The following SMYD3 variants were observed in gnomAD, a reference collection of about 807,000 sequenced individuals.
The protein encoded by SMYD3 is SET and MYND domain containing 3.
In SMYD3, 36 loss-of-function variants were observed where a neutral mutation model predicts 57.7. The observed-to-expected ratio is 0.62, with a 90% confidence interval of 0.48 to 0.82. SMYD3 has a LOEUF of 0.82. Ranked by LOEUF, SMYD3 falls within the 40% of genes least tolerant of loss-of-function variation. The pLI is 0.00. For missense variants in SMYD3, 515 were observed against 538.8 expected, an observed-to-expected ratio of 0.96 and a Z score of 0.44; for synonymous variants, 211 against 195.0, an observed-to-expected ratio of 1.08 and a Z score of -0.68.
intron 5 of SMYD3, among the ~76,000 whole-genome samples, chr1:245,948,238 G>A (rs562785501): frequency 4.3e-4 from 65 of 152,244 alleles, no homozygotes; most frequent in Non-Finnish European, 5.6e-4. Context: ...ACAGCAGGAC[G>A]GAATCGCAAC....
intron 5 of SMYD3, among the ~76,000 whole-genome samples, chr1:246,185,217 T>A (rs1158596325): frequency 5.3e-5 from 8 of 152,172 alleles, no homozygotes; most frequent in Non-Finnish European, 1.2e-4. Flanking sequence ...TACTGAAAAC[T>A]GTCAATAGCA....
At chr1:246,155,661 A>G (rs1216148415) in intron 5 of SMYD3, among the ~76,000 whole-genome samples, 2 of 151,502 alleles carry the variant, frequency 1.3e-5, no homozygotes, top group Middle Eastern at 3.2e-3. Context: ...TTCATGCCCT[A>G]AAGATGCTCA....
intron 5 of SMYD3, among the ~76,000 whole-genome samples, chr1:246,064,160 C>A (rs1039963105): frequency 9.2e-5 from 14 of 152,174 alleles, no homozygotes; most frequent in Non-Finnish European, 1.6e-4. Context: ...TTCTCTCTTG[C>A]TCGCATCACT....
chr1:246,034,159 G>T (rs950606630), intron 5 of SMYD3, among the ~76,000 whole-genome samples: 1 of 152,206 alleles, frequency 6.6e-6, no homozygotes, highest in Non-Finnish European at 1.5e-5. Context: ...TACATAGACA[G>T]AATGCATCCT....
At chr1:246,021,391 C>G (rs2059468469) in intron 5 of SMYD3, among the ~76,000 whole-genome samples, 1 of 152,124 alleles carries the variant, frequency 6.6e-6, no homozygotes, top group South Asian at 2.1e-4. Context: ...ATTCTGATTC[C>G]TGATCACCCA....
At chr1:246,410,709 C>T (rs950297713) in intron 1 of SMYD3, among the ~76,000 whole-genome samples, 7 of 152,140 alleles carry the variant, frequency 4.6e-5, no homozygotes, top group Non-Finnish European at 1.0e-4. Flanking sequence ...AGGATTCCCT[C>T]TTTTTCTATT....
intron 8 of SMYD3, 24 bp from the exon 9 acceptor site, chr1:245,863,910 C>T (rs551395740): frequency 1.2e-6 from 2 of 1,607,552 alleles, no homozygotes; most frequent in African/African-American, 2.7e-5. Flanking sequence ...AAAAGGAAGA[C>T]AAATAATCTA....
intron 5 of SMYD3, among the ~76,000 whole-genome samples, chr1:246,047,896 A>C (rs1357025024): frequency 6.6e-6 from 1 of 152,190 alleles, no homozygotes; most frequent in Non-Finnish European, 1.5e-5. Context: ...AAGCAAAGAT[A>C]CCCACGACAG....
chr1:246,205,750 G>A (rs1438115638), intron 5 of SMYD3, among the ~76,000 whole-genome samples: 1 of 144,200 alleles, frequency 6.9e-6, no homozygotes, highest in Non-Finnish European at 1.5e-5. Context: ...AACCCAGGAG[G>A]CGAGGTTGCA....
At chr1:246,431,138 A>C (rs78725051) in intron 1 of SMYD3, among the ~76,000 whole-genome samples, 3,526 of 152,260 alleles carry the variant, frequency 0.023, 140 homozygotes, top group African/African-American at 0.08. Flanking sequence ...TAAACAGGAA[A>C]AATCACCAAA....
chr1:246,267,144 C>T (rs1322656335), intron 5 of SMYD3, among the ~76,000 whole-genome samples: 1 of 151,976 alleles, frequency 6.6e-6, no homozygotes, highest in Non-Finnish European at 1.5e-5. Context: ...TGGAATAGAG[C>T]AATATTATAA....
chr1:246,238,132 C>T (rs10924591), intron 5 of SMYD3, among the ~76,000 whole-genome samples: 40,446 of 151,774 alleles, frequency 0.27, 6,062 homozygotes, highest in East Asian at 0.58. Context: ...GGCACGATCT[C>T]GGCTCACTGC....
intron 1 of SMYD3, among the ~76,000 whole-genome samples, chr1:246,392,971 A>T (rs2066596878): frequency 1.3e-5 from 2 of 152,278 alleles, no homozygotes; most frequent in South Asian, 4.1e-4. Flanking sequence ...GCTGTAGTTT[A>T]AAAAACAGAG....
intron 11 of SMYD3, among the ~76,000 whole-genome samples, chr1:245,754,402 C>T (rs2045524306): frequency 6.6e-6 from 1 of 151,836 alleles, no homozygotes; most frequent in African/African-American, 2.4e-5. Flanking sequence ...GATAAGAACC[C>T]CTGGAATCAA....
intron 10 of SMYD3, among the ~76,000 whole-genome samples, chr1:245,786,690 C>T (rs74411429): frequency 0.016 from 2,469 of 150,504 alleles, 40 homozygotes; most frequent in East Asian, 0.077. Flanking sequence ...GGAGTTCACA[C>T]GTGAAGCCTA....
At chr1:246,088,180 C>T (rs1468506056) in intron 5 of SMYD3, among the ~76,000 whole-genome samples, 2 of 152,090 alleles carry the variant, frequency 1.3e-5, no homozygotes, top group South Asian at 2.1e-4. Flanking sequence ...AGAACTGTCA[C>T]GGAAAGGTAA....
At chr1:245,884,254 G>C (rs987133248) in intron 8 of SMYD3, among the ~76,000 whole-genome samples, 3 of 152,196 alleles carry the variant, frequency 2.0e-5, no homozygotes, top group African/African-American at 2.4e-5. Context: ...ATGCAGCATG[G>C]TTGTCTGGGG....
intron 5 of SMYD3, among the ~76,000 whole-genome samples, chr1:246,324,628 T>C (rs2065309048): frequency 6.6e-6 from 1 of 151,886 alleles, no homozygotes; most frequent in Non-Finnish European, 1.5e-5. Flanking sequence ...CAGTCAGGGA[T>C]AGTTGCATGT....
chr1:246,018,898 CCAG>C (rs2059423019), intron 5 of SMYD3, among the ~76,000 whole-genome samples: 1 of 152,108 alleles, frequency 6.6e-6, no homozygotes, highest in Non-Finnish European at 1.5e-5. Flanking sequence ...GCCACCATGC[CCAG>C]CAGATTTCTT....
Sources: gnomAD v4.1 joint callset for allele counts (sites outside exome capture counted in the v4.1 genomes callset) on GRCh38, gnomAD v4.1.1 for gene constraint, MANE v1.5 for transcripts, NCBI Gene and HGNC (gene_info 2026-07-23, HGNC 2026-07-21) for gene names.